The following SIK3 variants were observed in gnomAD, a reference collection of about 807,000 sequenced individuals.
The protein encoded by SIK3 is SIK family kinase 3, also known as serine/threonine-protein kinase SIK3.
Under a neutral mutation model 144.2 loss-of-function variants are expected in SIK3, and 28 were observed. That is an observed-to-expected ratio of 0.19 (90% confidence interval 0.14 to 0.27). SIK3 has a LOEUF of 0.27. SIK3 is among the 10% of genes least tolerant of loss of function. The pLI is 1.00. For missense variants in SIK3, 1,319 were observed against 1,776.0 expected (o/e 0.74, Z 4.62); for synonymous variants, 686 against 676.3 (o/e 1.01, Z -0.22).
In SIK3 at chr11:117,098,358, C is replaced by G. The variant is rs1955579409; in HGVS notation, c.58G>C (p.Ala20Pro). 1 of 1,160,952 alleles carries G rather than the reference C, an allele frequency of 8.6e-7. No homozygotes were observed. Among genetic ancestry groups the G allele is most frequent in the Non-Finnish European group, 1.1e-6 (1 of 945,302 alleles). 71.9% of individuals were successfully genotyped at this position (1,160,952 alleles called of 1,614,324 possible). ...GGAAGAGTGG[A>P]GPAGRLLPPP... ...GGCAGCAGGCGGCCCGCGGGCCCGG[C>G]TCCCCCAGTCCCGGCCCCGGCAGCC... Residue 20 changes from alanine to proline, a missense_variant, in exon 1 of 25, where the codon GCC (alanine) becomes CCC (proline). Around this residue, in one of 8 missense-constraint regions of SIK3, gnomAD observed 114 missense variants for 116.2 expected, o/e 0.98. Transcript: ENST00000445177.
intron 1 of SIK3, among the ~76,000 whole-genome samples, chr11:116,982,544 T>C (rs1950180758): frequency 6.6e-6 from 1 of 152,112 alleles, no homozygotes; most frequent in Non-Finnish European, 1.5e-5. Context: ...CACCTCGGCT[T>C]CCCAAAGTGC....
At chr11:116,922,918 T>C (rs922271318) in intron 4 of SIK3, among the ~76,000 whole-genome samples, 8 of 137,606 alleles carry the variant, frequency 5.8e-5, no homozygotes, top group African/African-American at 1.6e-4. Context: ...TTTTTTTTTT[T>C]TTTTTTTTTT....
chr11:117,030,711 C>T (rs1157299753), intron 1 of SIK3, among the ~76,000 whole-genome samples: 2 of 152,172 alleles, frequency 1.3e-5, no homozygotes, highest in Admixed American at 6.5e-5. Context: ...ATTCCCGTTG[C>T]CCAGGCTGGT....
chr11:116,997,044 C>T (rs1950694422), intron 1 of SIK3, among the ~76,000 whole-genome samples: 1 of 151,986 alleles, frequency 6.6e-6, no homozygotes, highest in Non-Finnish European at 1.5e-5. Context: ...AAAAGAATTC[C>T]CAAATCCACC....
Position 117,020,250 on chromosome 11 carries a change from C to T in SIK3, c.274-63186G>A, listed in dbSNP as rs183834111. ...GTGTATATGTGCATATATATATACACATACATATATCTCCATGGTTCCTGG... is the reference window on the plus strand; with the variant it reads ...GTGTATATGTGCATATATATATACATATACATATATCTCCATGGTTCCTGG... On this transcript the variant is annotated intron_variant, in intron 1 of 24. Transcript: ENST00000445177. 2.4e-3 allele frequency among the ~76,000 whole-genome samples: 213 copies of T among 88,738 alleles called. 2 individuals carry two copies. Among genetic ancestry groups the T allele is most frequent in the African/African-American group, 7.1e-3 (108 of 15,160 alleles). 58.2% of individuals were successfully genotyped at this position (88,738 alleles called of 152,430 possible). A position where few individuals can be genotyped will look rare whatever the true frequency, so the allele number is the denominator to read the frequency against.
chr11:116,887,811 A>G (rs1268760003), intron 6 of SIK3, among the ~76,000 whole-genome samples: 2 of 152,222 alleles, frequency 1.3e-5, no homozygotes, highest in Non-Finnish European at 2.9e-5. Flanking sequence ...AGACACATAC[A>G]TAATTATAAA....
At chr11:116,847,717 G>A in intron 22 of SIK3, 109 bp from the exon 23 acceptor site, 1 of 1,430,528 alleles carries the variant, frequency 7.0e-7, no homozygotes, top group South Asian at 1.2e-5. Flanking sequence ...ACAGCCCGGG[G>A]CCCCACTCCA....
chr11:116,857,761 T>C (rs376410725), intron 21 of SIK3, 49 bp downstream of exon 21: 51 of 1,584,078 alleles, frequency 3.2e-5, no homozygotes, highest in Non-Finnish European at 4.0e-5. Flanking sequence ...ACTGAGTCAG[T>C]TGATTAGGGC....
intron 1 of SIK3, among the ~76,000 whole-genome samples, chr11:117,026,245 G>C (rs959077327): frequency 1.3e-5 from 2 of 152,132 alleles, no homozygotes; most frequent in Admixed American, 1.3e-4. Context: ...ATGCTGTATA[G>C]GTTTGTAGCC....
intron 1 of SIK3, among the ~76,000 whole-genome samples, chr11:116,970,483 G>A (rs1259543657): frequency 6.6e-6 from 1 of 152,030 alleles, no homozygotes; most frequent in East Asian, 1.9e-4. Flanking sequence ...TTTAGTTTTA[G>A]TTATTATTTC....
chr11:116,922,905 CTCT>C (rs1368651390), intron 4 of SIK3, among the ~76,000 whole-genome samples: 58 of 118,700 alleles, frequency 4.9e-4, no homozygotes, highest in African/African-American at 1.3e-3. Flanking sequence ...CTTTTCTTTT[CTCT>C]TTTTTTTTTT....
chr11:116,845,581 T>TA lies in SIK3; in HGVS notation c.*61dup, dbSNP rs1303969756. 6.6e-6 allele frequency: 1 copy of TA among 152,242 alleles called. No individual in the cohort carries two copies. The highest frequency in any genetic ancestry group is 1.5e-5 in the Non-Finnish European group (1 of 68,050). The allele number at this position is 152,242 out of a possible 1,614,324, so 9.4% of individuals were successfully genotyped here. On this transcript the variant is annotated 3_prime_UTR_variant, in exon 25 of 25. Transcript: ENST00000445177. ...GGCAATTTGGCACAACGCTGCTAGA[T>TA]ACTGTGGGTTTACAATCAACCTTTT...
chr11:117,089,128 G>A (rs999967003), intron 1 of SIK3, among the ~76,000 whole-genome samples: 6 of 151,978 alleles, frequency 3.9e-5, no homozygotes, highest in African/African-American at 7.2e-5. Context: ...GAAGCTGGCC[G>A]GGCGCGGTGG....
intron 1 of SIK3, among the ~76,000 whole-genome samples, chr11:117,013,967 C>CCTTTTT (rs756680301): frequency 1.4e-4 from 1 of 7,374 alleles, no homozygotes; most frequent in Admixed American, 2.2e-3. Flanking sequence ...TTCTTTTTTT[C>CCTTTTT]TTTTCTTTTT....
rs570592335 is a variant in SIK3, at chr11:116,967,196, G to A, written c.274-10132C>T. Among the ~76,000 whole-genome samples, 37 of 152,212 alleles carry A rather than the reference G, an allele frequency of 2.4e-4. 1 individual carries two copies. The South Asian group carries it at 7.5e-3, about 31-fold the overall frequency. ...TCTTTCCTGGAATGCCAACTCACAG[G>A]TAAAAATAACACAGACTCACAGAAG... On this transcript the variant is annotated intron_variant, in intron 1 of 24. Transcript: ENST00000445177.
chr11:116,924,592 A>T (rs1043203613), intron 4 of SIK3, among the ~76,000 whole-genome samples: 1 of 152,122 alleles, frequency 6.6e-6, no homozygotes, highest in Non-Finnish European at 1.5e-5. Context: ...TGTTCCACAC[A>T]CTCCCACTGC....
At position 116,861,287 on chromosome 11, in the gene SIK3, C is replaced by G; in HGVS notation, c.2412G>C (p.Met804Ile). 1 of 1,593,878 alleles carries G rather than the reference C, an allele frequency of 6.3e-7. No homozygotes were observed. Among genetic ancestry groups the G allele is most frequent in the Non-Finnish European group, 8.5e-7 (1 of 1,173,898 alleles). The change falls in exon 19 of 25, where the codon ATG becomes ATC. Residue 804 changes from methionine to isoleucine, a missense_variant. This residue lies in a region of SIK3 where 646 missense variants were observed against 763.7 expected (regional missense o/e 0.85). Transcript: ENST00000445177. ...CTCTCCACTCACCGTGAGGCTGGATCATGGCACTGCTCATGGGGGGAGGAC... is the reference window on the plus strand; with the variant it reads ...CTCTCCACTCACCGTGAGGCTGGATGATGGCACTGCTCATGGGGGGAGGAC... The part of the protein sequence containing the change: ...SNSPPPMSSA[M>I]IQPHGAASSS...
chr11:117,019,573 A>C (rs1006534115), intron 1 of SIK3, among the ~76,000 whole-genome samples: 3 of 152,138 alleles, frequency 2.0e-5, no homozygotes, highest in African/African-American at 7.2e-5. Flanking sequence ...ATAAAAACTG[A>C]AATCTCCTCA....
At chr11:117,031,687 A>ATTTTTTTTTTTTTTTTT (rs57524562) in intron 1 of SIK3, among the ~76,000 whole-genome samples, 1 of 81,532 alleles carries the variant, frequency 1.2e-5, no homozygotes, top group Non-Finnish European at 2.2e-5. Context: ...CACCCGGCTA[A>ATTTTTTTTTTTTTTTTT]TTTTTTTTTT....
Sources: allele counts gnomAD v4.1 joint callset (sites outside exome capture counted in the v4.1 genomes callset), GRCh38; gene constraint gnomAD v4.1.1; regional missense constraint gnomAD v4.1.1; transcripts MANE v1.5; gene names NCBI Gene and HGNC (gene_info 2026-07-23, HGNC 2026-07-21).